PPP1CB: variants seen among roughly 807,000 people sequenced by gnomAD.
PPP1CB encodes the protein serine/threonine-protein phosphatase PP1-beta catalytic subunit.
A neutral mutation model predicts 43.7 loss-of-function variants in PPP1CB; 2 were observed. The observed-to-expected ratio is 0.05, with a 90% CI of 0.02 to 0.14. PPP1CB has a LOEUF of 0.14. Ranked by LOEUF, PPP1CB falls within the 10% of genes least tolerant of loss-of-function variation. The pLI is 1.00. For missense variants in PPP1CB, 84 were observed against 398.0 expected (o/e 0.21, Z 6.71); for synonymous variants, 136 against 135.6 (o/e 1.00, Z -0.02).
chr2:28,754,416 A>T (rs924308280), intron 1 of PPP1CB, among the ~76,000 whole-genome samples: 1 of 151,830 alleles, frequency 6.6e-6, no homozygotes, highest in Non-Finnish European at 1.5e-5. Flanking sequence ...TAACAAGTTG[A>T]CCTCCTCCTT....
chr2:28,802,230 G>T lies in PPP1CB; in HGVS notation c.*2927G>T, dbSNP rs541128992. Reference sequence around the variant, plus strand: ...ATAAAGATGTATTATTTTAAGCCAAGGAGCTGAAATATATCTCAGTTTATA... The same window carrying T: ...ATAAAGATGTATTATTTTAAGCCAATGAGCTGAAATATATCTCAGTTTATA... On this transcript the variant is annotated 3_prime_UTR_variant, in exon 8 of 8. Transcript: ENST00000395366. The T allele has an allele frequency of 1.3e-5, 2 of 152,276 alleles. No homozygotes were observed. Among genetic ancestry groups the T allele is most frequent in the African/African-American group, 2.4e-5 (1 of 41,564 alleles). 9.4% of individuals were successfully genotyped at this position (152,276 alleles called of 1,614,324 possible).
At chr2:28,765,708 G>A (rs1304128656) in intron 1 of PPP1CB, among the ~76,000 whole-genome samples, 3 of 152,136 alleles carry the variant, frequency 2.0e-5, no homozygotes, top group Non-Finnish European at 1.5e-5. Context: ...CTTGAGTTCA[G>A]CAGTTTGAGA....
At chr2:28,795,196 A>G (rs999426364) in intron 7 of PPP1CB, among the ~76,000 whole-genome samples, 2 of 152,214 alleles carry the variant, frequency 1.3e-5, no homozygotes, top group Non-Finnish European at 2.9e-5. Flanking sequence ...TTATGGTCGC[A>G]TAGTATTCCA....
chr2:28,793,012 C>T (rs1447771653), intron 6 of PPP1CB, among the ~76,000 whole-genome samples: 1 of 152,092 alleles, frequency 6.6e-6, no homozygotes, highest in East Asian at 1.9e-4. Context: ...TTGAGATCAG[C>T]CTGGCCAACA....
intron 5 of PPP1CB, among the ~76,000 whole-genome samples, chr2:28,787,458 C>CA (rs1299702841): frequency 6.6e-6 from 1 of 152,040 alleles, no homozygotes; most frequent in South Asian, 2.1e-4. Context: ...GACTCCGTCT[C>CA]AAAAAAATAT....
At position 28,754,417 on chromosome 2, in the gene PPP1CB, C is replaced by T. The variant is rs556438719; in HGVS notation, c.52+2241C>T. Among the ~76,000 whole-genome samples, 91 of 152,108 alleles carry T rather than the reference C, an allele frequency of 6.0e-4. 1 individual carries two copies. Among genetic ancestry groups the T allele is most frequent in the African/African-American group, 2.1e-3 (88 of 41,470 alleles). ...AATTTAGCAAGCGTTAACAAGTTGA[C>T]CTCCTCCTTGCCAGGCACCAGCAAT... is the stretch of plus-strand genomic sequence containing the variant. On this transcript the variant is annotated intron_variant, in intron 1 of 7. Transcript: ENST00000395366.
chr2:28,762,509 C>T (rs1447852943), intron 1 of PPP1CB, among the ~76,000 whole-genome samples: 1 of 152,134 alleles, frequency 6.6e-6, no homozygotes, highest in Non-Finnish European at 1.5e-5. Context: ...TGTAGTCCTA[C>T]AGATACGTAG....
At chr2:28,763,338 A>G (rs1045193692) in intron 1 of PPP1CB, among the ~76,000 whole-genome samples, 3 of 152,236 alleles carry the variant, frequency 2.0e-5, no homozygotes, top group Non-Finnish European at 2.9e-5. Context: ...AATGAACAAC[A>G]CAGTGACTGA....
At position 28,801,799 on chromosome 2, in the gene PPP1CB, G is replaced by A. The variant is rs1667623702; in HGVS notation, c.*2496G>A. 1 of 152,064 alleles carries A rather than the reference G, an allele frequency of 6.6e-6. No individual in the cohort carries two copies. The highest frequency in any genetic ancestry group is 2.1e-4 in the South Asian group (1 of 4,824). 9.4% of individuals were successfully genotyped at this position (152,064 alleles called of 1,614,324 possible). On this transcript the variant is annotated 3_prime_UTR_variant, in exon 8 of 8. Transcript: ENST00000395366. ...CAGTAGATATCTGTTATAATGTGGTGTATCACATGGATTATAAAGCAAAGT... is the reference window on the plus strand; with the variant it reads ...CAGTAGATATCTGTTATAATGTGGTATATCACATGGATTATAAAGCAAAGT...
chr2:28,761,674 CTA>C (rs1368149180), intron 1 of PPP1CB, among the ~76,000 whole-genome samples: 1 of 152,208 alleles, frequency 6.6e-6, no homozygotes, highest in Non-Finnish European at 1.5e-5. Flanking sequence ...CATATAACCA[CTA>C]TTCTTGTATG....
At chr2:28,754,557 C>T (rs1666437340) in intron 1 of PPP1CB, among the ~76,000 whole-genome samples, 1 of 152,172 alleles carries the variant, frequency 6.6e-6, no homozygotes, top group Non-Finnish European at 1.5e-5. Context: ...ATCAGTACTT[C>T]TTCATCCTAC....
Position 28,752,155 on chromosome 2 carries a change from C to T in PPP1CB, c.31C>T (p.Leu11Phe), listed in dbSNP as rs960710587. 1.9e-6 allele frequency: 3 copies of T among 1,548,534 alleles called. No individual in the cohort carries two copies. Among genetic ancestry groups the T allele is most frequent in the Non-Finnish European group, 2.6e-6 (3 of 1,145,542 alleles). ...GGACGGGGAGCTGAACGTGGACAGC[C>T]TCATCACCCGGCTGCTGGAGGGTGA... is the stretch of plus-strand genomic sequence containing the variant. MADGELNVDSLITRLLEVRGC... is the reference protein window; with the variant it reads MADGELNVDSFITRLLEVRGC... The change falls in exon 1 of 8, where the codon CTC (leucine) becomes TTC (phenylalanine). Residue 11 changes from leucine (L) to phenylalanine (F), a missense_variant. Leu to Phe is a conservative substitution (Grantham distance 22). Coordinates refer to ENST00000395366, the MANE Select transcript of PPP1CB (RefSeq NM_002709.3).
chr2:28,753,585 C>T (rs909086219), intron 1 of PPP1CB, among the ~76,000 whole-genome samples: 1 of 152,208 alleles, frequency 6.6e-6, no homozygotes, highest in Non-Finnish European at 1.5e-5. Flanking sequence ...GACTTTGTTT[C>T]AGATGTGAAC....
intron 1 of PPP1CB, among the ~76,000 whole-genome samples, chr2:28,759,987 AG>A (rs1303206540): frequency 6.6e-6 from 1 of 152,130 alleles, no homozygotes; most frequent in Non-Finnish European, 1.5e-5. Context: ...GTGGCATTCC[AG>A]GAAAAAAAGC....
chr2:28,783,769 A>G (rs1667204975), intron 4 of PPP1CB, 138 bp from the exon 5 acceptor site: 2 of 612,564 alleles, frequency 3.3e-6, no homozygotes, highest in East Asian at 2.9e-5. Context: ...AAAAAAAAAA[A>G]GACGTTAAAA....
chr2:28,799,414 C>G lies in PPP1CB; in HGVS notation c.*111C>G. On this transcript the variant is annotated 3_prime_UTR_variant, in exon 8 of 8. Coordinates refer to ENST00000395366, the MANE Select transcript of PPP1CB (RefSeq NM_002709.3). ...ATTTGACACCCTTTATGATGTCACACCTTTAACTTAAGGAGACGGGTAAAG... is the reference window on the plus strand; with the variant it reads ...ATTTGACACCCTTTATGATGTCACAGCTTTAACTTAAGGAGACGGGTAAAG... 2 of 793,654 alleles carry G rather than the reference C, an allele frequency of 2.5e-6. No homozygotes were observed. Among genetic ancestry groups the G allele is most frequent in the East Asian group, 5.6e-5 (2 of 35,738 alleles). The allele number at this position is 793,654 out of a possible 1,614,324, so 49.2% of individuals were successfully genotyped here. A position where few individuals can be genotyped will look rare whatever the true frequency, so the allele number is the denominator to read the frequency against.
intron 1 of PPP1CB, 67 bp from the exon 2 acceptor site, chr2:28,776,784 G>T: frequency 6.8e-7 from 1 of 1,477,348 alleles, no homozygotes; most frequent in South Asian, 1.3e-5. Context: ...GTATGGGCAT[G>T]ACTCTTTTTG....
chr2:28,793,802 T>C, intron 6 of PPP1CB, 61 bp from the exon 7 acceptor site: 1 of 1,594,734 alleles, frequency 6.3e-7, no homozygotes, highest in Non-Finnish European at 8.6e-7. Context: ...CCTTAATTAG[T>C]ATAGATGGTT....
At chr2:28,763,869 C>T (rs1666717859) in intron 1 of PPP1CB, among the ~76,000 whole-genome samples, 1 of 151,910 alleles carries the variant, frequency 6.6e-6, no homozygotes, top group African/African-American at 2.4e-5. Flanking sequence ...CCACACCTGG[C>T]TTATTTTCGT....
Sources: allele counts gnomAD v4.1 joint callset (sites outside exome capture counted in the v4.1 genomes callset), GRCh38; gene constraint gnomAD v4.1.1; transcripts MANE v1.5; gene names NCBI Gene and HGNC (gene_info 2026-07-23, HGNC 2026-07-21).